TBC1D9: variants seen among roughly 807,000 people sequenced by gnomAD.
TBC1D9 encodes TBC1 domain family member 9A.
A neutral mutation model predicts 132.0 loss-of-function variants in TBC1D9; 63 were observed. The observed-to-expected ratio is 0.48, with a 90% CI of 0.39 to 0.59. TBC1D9 has a LOEUF of 0.59. Among genes scored for constraint, TBC1D9 ranks in the 20% least tolerant of loss-of-function variants. TBC1D9 has a pLI of 0.00. For missense variants in TBC1D9, 1,261 were observed against 1,592.7 expected (o/e 0.79, Z 3.54); for synonymous variants, 610 against 609.9 (o/e 1.00, Z 0.00).
intron 13 of TBC1D9, among the ~76,000 whole-genome samples, chr4:140,647,278 GTTAA>G (rs1278772038): frequency 1.3e-5 from 2 of 152,200 alleles, no homozygotes; most frequent in Non-Finnish European, 2.9e-5. Flanking sequence ...GCTTGGAGAG[GTTAA>G]TTAAGTCCCC....
chr4:140,638,294 T>G (rs1736910890), intron 15 of TBC1D9, among the ~76,000 whole-genome samples: 1 of 152,218 alleles, frequency 6.6e-6, no homozygotes, highest in South Asian at 2.1e-4. Context: ...CCTCTGATGC[T>G]GATGATACCT....
intron 3 of TBC1D9, among the ~76,000 whole-genome samples, chr4:140,681,415 G>A (rs1255483066): frequency 6.6e-6 from 1 of 152,100 alleles, no homozygotes; most frequent in Non-Finnish European, 1.5e-5. Flanking sequence ...CCTGTTGCCG[G>A]TAGTTGTGAT....
intron 13 of TBC1D9, chr4:140,645,446 G>A (rs535550165): frequency 3.8e-4 from 160 of 422,600 alleles, no homozygotes; most frequent in Middle Eastern, 7.7e-4. Context: ...TCTCTGGGTC[G>A]CGCTTCAGCT....
At chr4:140,678,858 C>A in intron 5 of TBC1D9, 84 bp downstream of exon 5, 1 of 1,473,690 alleles carries the variant, frequency 6.8e-7, no homozygotes. Flanking sequence ...CCTTGAAGAT[C>A]GTCAGAGAAG....
intron 1 of TBC1D9, among the ~76,000 whole-genome samples, chr4:140,717,274 GT>G (rs1410263682): frequency 6.6e-6 from 1 of 152,182 alleles, no homozygotes; most frequent in African/African-American, 2.4e-5. Context: ...TGGAGCCGGA[GT>G]TGGGAGAGGG....
rs1341652716 is a variant in TBC1D9, at chr4:140,756,176, G to A, written c.-131C>T. 3 of 627,080 alleles carry A rather than the reference G, an allele frequency of 4.8e-6. No homozygotes were observed. The Admixed American group carries it at 1.3e-4, about 28-fold the overall frequency. The allele number at this position is 627,080 out of a possible 1,614,324, so 38.8% of individuals were successfully genotyped here. On this transcript the variant is annotated 5_prime_UTR_variant, in exon 1 of 21. Coordinates refer to ENST00000442267, the MANE Select transcript of TBC1D9 (RefSeq NM_015130.3). This position sits in a 1 kb window ranked among gnomAD's most constrained non-coding sequence, Gnocchi z 5.6. ...GTCCGCTAGGTGCGGCGGCGGCGGC[G>A]GCAGGCGACTTCAGGGGGTGGCCCG...
intron 1 of TBC1D9, among the ~76,000 whole-genome samples, chr4:140,709,248 T>TCTCTCTCACACACA (rs1382500714): frequency 8.6e-5 from 9 of 104,188 alleles, no homozygotes; most frequent in South Asian, 3.5e-4. Flanking sequence ...TCTCTCTCTC[T>TCTCTCTCACACACA]CACACACACA....
intron 13 of TBC1D9, among the ~76,000 whole-genome samples, chr4:140,647,588 A>G (rs1477545223): frequency 6.6e-6 from 1 of 152,220 alleles, no homozygotes; most frequent in East Asian, 1.9e-4. Context: ...AATAGTAACT[A>G]ATATTAAACA....
At chr4:140,741,548 C>T (rs964380413) in intron 1 of TBC1D9, among the ~76,000 whole-genome samples, 4 of 152,086 alleles carry the variant, frequency 2.6e-5, no homozygotes, top group African/African-American at 9.7e-5. Flanking sequence ...GAAACCCTGT[C>T]TGTACAAAAA....
rs757012610 is a variant in TBC1D9, at chr4:140,624,144, T to A, written c.3050A>T (p.Asn1017Ile). 1 of 1,610,352 alleles carries A rather than the reference T, an allele frequency of 6.2e-7. No individual in the cohort carries two copies. The highest frequency in any genetic ancestry group is 1.1e-5 in the South Asian group (1 of 90,294). ...ATTTAATTTGGGTAAATCCTTTGCA[T>A]TCTTTGACTTAGATTTATTTTCTGG... ...WTPENKSKSK[N>I]AKDLPKLNQG... Residue 1017 changes from asparagine (N) to isoleucine (I), a missense_variant, in exon 20 of 21, where the codon AAT (asparagine) becomes ATT (isoleucine). Asn to Ile is a moderately radical substitution (Grantham distance 149, BLOSUM62 -3). Coordinates refer to ENST00000442267, the MANE Select transcript of TBC1D9 (RefSeq NM_015130.3).
intron 9 of TBC1D9, among the ~76,000 whole-genome samples, chr4:140,663,156 T>C (rs1737391555): frequency 6.6e-6 from 1 of 151,984 alleles, no homozygotes; most frequent in South Asian, 2.1e-4. Flanking sequence ...TGATAAGGGG[T>C]CAATATACAA....
rs1389848350 is a variant in TBC1D9, at chr4:140,622,391, C to T, written c.3605G>A (p.Ser1202Asn). ...SGQGTAALPRSTSLDRDWAIT... is the reference protein window; with the variant it reads ...SGQGTAALPRNTSLDRDWAIT... The stretch of plus-strand genomic sequence containing the variant: ...GGCCCAGTCCCGGTCCAGGCTGGTG[C>T]TCCGGGGCAGTGCCGCCGTGCCCTG... Residue 1202 changes from serine (S) to asparagine (N), a missense_variant, in exon 21 of 21, where the codon AGC becomes AAC. Around this residue, in one of 3 missense-constraint regions of TBC1D9, gnomAD observed 618 missense variants for 724.4 expected, o/e 0.85. Coordinates refer to ENST00000442267, the MANE Select transcript of TBC1D9 (RefSeq NM_015130.3). 10 of 1,612,844 alleles carry T rather than the reference C, an allele frequency of 6.2e-6. No homozygotes were observed. In the Admixed American group the frequency reaches 1.5e-4, roughly 24 times the overall value.
intron 18 of TBC1D9, among the ~76,000 whole-genome samples, chr4:140,626,033 G>A (rs1736705658): frequency 6.6e-6 from 1 of 152,208 alleles, no homozygotes; most frequent in East Asian, 1.9e-4. Flanking sequence ...CTATTGGCAT[G>A]TGACCATTTC....
Position 140,704,560 on chromosome 4 carries a change from G to T in TBC1D9, c.131-2946C>A, listed in dbSNP as rs969139746. On this transcript the variant is annotated intron_variant, in intron 1 of 20. Transcript: ENST00000442267. Reference sequence around the variant, plus strand: ...ATAATTGACTGGGCAGGGCAGAGCAGCGGACAGGGGCAGTCCTGGTTCTAG... The same window carrying T: ...ATAATTGACTGGGCAGGGCAGAGCATCGGACAGGGGCAGTCCTGGTTCTAG... 2.6e-5 allele frequency among the ~76,000 whole-genome samples: 4 copies of T among 152,096 alleles called. No homozygotes were observed. In the South Asian group the frequency reaches 8.3e-4, roughly 32 times the overall value.
chr4:140,633,197 T>C (rs1032779979), intron 16 of TBC1D9, among the ~76,000 whole-genome samples: 9 of 152,226 alleles, frequency 5.9e-5, no homozygotes, highest in Non-Finnish European at 1.2e-4. Context: ...CCCAAGGTCA[T>C]AGAGTAGCAC....
At chr4:140,751,215 G>A (rs1203357401) in intron 1 of TBC1D9, among the ~76,000 whole-genome samples, 2 of 152,076 alleles carry the variant, frequency 1.3e-5, no homozygotes, top group Non-Finnish European at 2.9e-5. Context: ...ACTACAGTGT[G>A]GTGTTGGTGC....
intron 4 of TBC1D9, 62 bp downstream of exon 4, chr4:140,679,553 G>T (rs1737674457): frequency 5.1e-6 from 6 of 1,172,808 alleles, no homozygotes; most frequent in Non-Finnish European, 7.4e-6. Context: ...TGTGGTTTAT[G>T]AGTTCAGGGC....
intron 1 of TBC1D9, among the ~76,000 whole-genome samples, chr4:140,734,457 A>G (rs537220183): frequency 2.4e-4 from 36 of 152,228 alleles, no homozygotes; most frequent in African/African-American, 8.2e-4. Flanking sequence ...ATAAGAGAAA[A>G]CTACATTGAG....
At chr4:140,717,568 C>A (rs1450916305) in intron 1 of TBC1D9, among the ~76,000 whole-genome samples, 1 of 152,192 alleles carries the variant, frequency 6.6e-6, no homozygotes, top group Non-Finnish European at 1.5e-5. Flanking sequence ...AATAAACCTT[C>A]ACTTTCAGCT....
Sources: gnomAD v4.1 joint callset for allele counts (sites outside exome capture counted in the v4.1 genomes callset) on GRCh38, gnomAD v4.1.1 for gene constraint, gnomAD v4.1.1 regional missense constraint, Gnocchi (gnomAD v3.1) non-coding constraint, MANE v1.5 for transcripts, NCBI Gene and HGNC (gene_info 2026-07-23, HGNC 2026-07-21) for gene names.